Variants in INPP5A observed in about 807,000 individuals in gnomAD.
INPP5A encodes the protein 43 kDa inositol polyphosphate 5-phophatase.
Under a neutral mutation model 65.2 loss-of-function variants are expected in INPP5A, and 14 were observed. The observed-to-expected ratio is 0.21, with a 90% CI of 0.14 to 0.34. The LOEUF (loss-of-function observed/expected upper bound fraction) is 0.34, where lower values mean the gene tolerates loss of function less well. INPP5A is among the 10% of genes least tolerant of loss of function. The pLI is 1.00. For synonymous variants in INPP5A, 207 were observed against 208.3 expected, an observed-to-expected ratio of 0.99 and a Z score of 0.05; for missense variants, 431 against 545.6, an observed-to-expected ratio of 0.79 and a Z score of 2.09.
chr10:132,642,426 G>A (rs1406120375), intron 2 of INPP5A, among the ~76,000 whole-genome samples: 2 of 152,210 alleles, frequency 1.3e-5, no homozygotes, highest in Admixed American at 6.5e-5. Context: ...CTGATGTGGT[G>A]GCTATGCCAG....
Position 132,651,815 on chromosome 10 carries a change from C to A in INPP5A, c.306+1310C>A, listed in dbSNP as rs147375716. ...CTGAGATGGTCACACAGCTGTCATG[C>A]GTGGTCCCCACCAGTAGTGGAGTCT... On this transcript the variant is annotated intron_variant, in intron 4 of 15. Transcript: ENST00000368594. The surrounding 1 kb of genome is among the most constrained non-coding windows in gnomAD (Gnocchi z 5.0). Among the ~76,000 whole-genome samples, 4 of 152,208 alleles carry A rather than the reference C, an allele frequency of 2.6e-5. No individual in the cohort carries two copies. The highest frequency in any genetic ancestry group is 9.7e-5 in the African/African-American group (4 of 41,442).
At chr10:132,754,313 C>T (rs181507361) in intron 11 of INPP5A, among the ~76,000 whole-genome samples, 354 of 152,376 alleles carry the variant, frequency 2.3e-3, no homozygotes, top group African/African-American at 7.7e-3. Flanking sequence ...GGGAGCAGCA[C>T]GGTGAGCCCG....
At chr10:132,632,267 A>T (rs1486469342) in intron 2 of INPP5A, among the ~76,000 whole-genome samples, 1 of 152,110 alleles carries the variant, frequency 6.6e-6, no homozygotes, top group African/African-American at 2.4e-5. Flanking sequence ...AGCCCTGGGG[A>T]GCTGCTTGGC....
In INPP5A at chr10:132,706,131, T is replaced by G. The variant is rs753107572; in HGVS notation, c.475-2182T>G. 6.6e-6 allele frequency among the ~76,000 whole-genome samples: 1 copy of G among 152,230 alleles called. No homozygotes were observed. On this transcript the variant is annotated intron_variant, in intron 6 of 15. Transcript: ENST00000368594. The surrounding 1 kb of genome is among the most constrained non-coding windows in gnomAD (Gnocchi z 4.7). ...AGAACAGATTCTAGACTAGATGTGGTCAAAGAGAGAATCAGAGAATTAGAC... is the reference window on the plus strand; with the variant it reads ...AGAACAGATTCTAGACTAGATGTGGGCAAAGAGAGAATCAGAGAATTAGAC...
intron 7 of INPP5A, among the ~76,000 whole-genome samples, chr10:132,709,676 G>A (rs1222590806): frequency 6.6e-6 from 1 of 152,218 alleles, no homozygotes; most frequent in Non-Finnish European, 1.5e-5. Context: ...AGACGGCCAG[G>A]TCTTGGAGCC....
intron 4 of INPP5A, among the ~76,000 whole-genome samples, chr10:132,669,021 G>A (rs976861066): frequency 2.0e-5 from 3 of 152,082 alleles, no homozygotes; most frequent in South Asian, 2.1e-4. Flanking sequence ...TTGGGAGGCC[G>A]AGGTGGGTGG....
intron 4 of INPP5A, among the ~76,000 whole-genome samples, chr10:132,686,499 C>T (rs932619406): frequency 5.9e-5 from 9 of 152,176 alleles, no homozygotes; most frequent in Non-Finnish European, 1.5e-5. Context: ...CGGACACGCT[C>T]CTGGCCCAAT....
intron 2 of INPP5A, among the ~76,000 whole-genome samples, chr10:132,639,978 T>G (rs2133383775): frequency 6.6e-6 from 1 of 152,376 alleles, no homozygotes; most frequent in Non-Finnish European, 1.5e-5. Context: ...TTCAAGAGTA[T>G]TTACTTTGAC....
rs372239692 is a variant in INPP5A, at chr10:132,579,437, G to T, written c.76-28478G>T. Among the ~76,000 whole-genome samples, 28 of 152,262 alleles carry T rather than the reference G, an allele frequency of 1.8e-4. 1 individual carries two copies. In the South Asian group the frequency reaches 5.8e-3, roughly 32 times the overall value. ...CCGGTGGCTCTGGTGGGAGCAGTAG[G>T]GGTGTGGGATTGTGCAGGGCAGGGA... On this transcript the variant is annotated intron_variant, in intron 1 of 15. Coordinates refer to ENST00000368594, the MANE Select transcript of INPP5A (RefSeq NM_005539.5).
chr10:132,559,155 C>A (rs551041809), intron 1 of INPP5A, among the ~76,000 whole-genome samples: 2 of 152,192 alleles, frequency 1.3e-5, no homozygotes, highest in African/African-American at 4.8e-5. Flanking sequence ...GTGGTGTGCT[C>A]GCCTCTGGAG....
intron 1 of INPP5A, among the ~76,000 whole-genome samples, chr10:132,596,203 C>T (rs2071685006): frequency 6.6e-6 from 1 of 152,182 alleles, no homozygotes; most frequent in Admixed American, 6.5e-5. Context: ...AGTTTGTGCC[C>T]ATCACCCAGT....
chr10:132,627,992 A>G lies in INPP5A; in HGVS notation c.118-17876A>G, dbSNP rs996789053. On this transcript the variant is annotated intron_variant, in intron 2 of 15. Transcript: ENST00000368594. The surrounding 1 kb of genome is among the most constrained non-coding windows in gnomAD (Gnocchi z 6.6). Reference sequence around the variant, plus strand: ...GATGTTGATGTCTTCACTGGTTGCCATTGCCCAGGAGGGTGTTTACAGCAC... The same window carrying G: ...GATGTTGATGTCTTCACTGGTTGCCGTTGCCCAGGAGGGTGTTTACAGCAC... 3.3e-5 allele frequency among the ~76,000 whole-genome samples: 5 copies of G among 152,122 alleles called. No homozygotes were observed. Among genetic ancestry groups the G allele is most frequent in the Non-Finnish European group, 7.4e-5 (5 of 68,018 alleles).
At chr10:132,556,838 A>G (rs2071133441) in intron 1 of INPP5A, among the ~76,000 whole-genome samples, 1 of 151,108 alleles carries the variant, frequency 6.6e-6, no homozygotes, top group Non-Finnish European at 1.5e-5. Context: ...CAGATCTTGT[A>G]TTTAGGTTGC....
At chr10:132,757,108 C>T (rs957218626) in intron 11 of INPP5A, among the ~76,000 whole-genome samples, 4 of 152,206 alleles carry the variant, frequency 2.6e-5, no homozygotes, top group African/African-American at 7.2e-5. Flanking sequence ...AAAAAAGTTA[C>T]AATAAGTTAA....
In INPP5A at chr10:132,644,116, C is replaced by T. The variant is rs528737395; in HGVS notation, c.118-1752C>T. On this transcript the variant is annotated intron_variant, in intron 2 of 15. Coordinates refer to ENST00000368594, the MANE Select transcript of INPP5A (RefSeq NM_005539.5). This position sits in a 1 kb window ranked among gnomAD's most constrained non-coding sequence, Gnocchi z 6.5. ...TTGTTTTGAGCACAGCCCAAAGGGA[C>T]AGCTGGCCCTTGGGAACCACGTTGG... Among the ~76,000 whole-genome samples, 1 of 152,344 alleles carries T rather than the reference C, an allele frequency of 6.6e-6. No individual in the cohort carries two copies. The highest frequency in any genetic ancestry group is 2.1e-4 in the South Asian group (1 of 4,826).
chr10:132,764,421 GGTCA>G (rs1846793203), intron 11 of INPP5A, among the ~76,000 whole-genome samples: 1 of 151,024 alleles, frequency 6.6e-6, no homozygotes, highest in African/African-American at 2.4e-5. Context: ...AACACGGTCG[GGTCA>G]GTCCTGCTGC....
intron 12 of INPP5A, among the ~76,000 whole-genome samples, chr10:132,774,391 A>C (rs1015149730): frequency 1.3e-5 from 2 of 152,078 alleles, no homozygotes; most frequent in African/African-American, 4.8e-5. Context: ...ACCAGGCGGG[A>C]GTCAGAGGAG....
intron 9 of INPP5A, among the ~76,000 whole-genome samples, chr10:132,736,151 C>T (rs1362299623): frequency 1.3e-5 from 2 of 152,244 alleles, no homozygotes; most frequent in African/African-American, 2.4e-5. Context: ...GAGGGCCGTG[C>T]GTCCTCACAC....
chr10:132,739,664 C>G (rs911031578), intron 9 of INPP5A, among the ~76,000 whole-genome samples: 1 of 152,226 alleles, frequency 6.6e-6, no homozygotes, highest in African/African-American at 2.4e-5. Context: ...GTCGCACTCT[C>G]GCTTCCAAGA....
Sources: gnomAD v4.1 joint callset for allele counts (sites outside exome capture counted in the v4.1 genomes callset) on GRCh38, gnomAD v4.1.1 for gene constraint, Gnocchi (gnomAD v3.1) non-coding constraint, MANE v1.5 for transcripts, NCBI Gene and HGNC (gene_info 2026-07-23, HGNC 2026-07-21) for gene names.